Variants in NETO1 observed in about 807,000 individuals in gnomAD.
NETO1 encodes neuropilin and tolloid-like protein 1.
In NETO1, 26 loss-of-function variants were observed where a neutral mutation model predicts 61.3. The observed-to-expected ratio is 0.42, with a 90% CI of 0.31 to 0.59. The LOEUF is 0.59. Among genes scored for constraint, NETO1 ranks in the 20% least tolerant of loss-of-function variants. NETO1 has a pLI of 0.12. For missense variants in NETO1, 531 were observed against 662.8 expected (o/e 0.80, Z 2.18); for synonymous variants, 225 against 225.8 (o/e 1.00, Z 0.03).
intron 7 of NETO1, among the ~76,000 whole-genome samples, chr18:72,780,895 GA>G (rs1375573304): frequency 6.6e-6 from 1 of 152,164 alleles, no homozygotes; most frequent in Non-Finnish European, 1.5e-5. Flanking sequence ...GGAAAGAACA[GA>G]CTGTGCCTTT....
At chr18:72,751,845 A>C (rs1034921045) in intron 8 of NETO1, 1 of 152,244 alleles carries the variant, frequency 6.6e-6, no homozygotes, top group African/African-American at 2.4e-5. Context: ...CCCTAAATAA[A>C]GTTAGTTTAT....
intron 4 of NETO1, among the ~76,000 whole-genome samples, chr18:72,854,184 C>T (rs2074345655): frequency 6.6e-6 from 1 of 152,100 alleles, no homozygotes. Context: ...GCAAAAAGTC[C>T]CTAAAACACT....
chr18:72,847,557 TGGGAAGGA>T (rs1383155885), intron 4 of NETO1, among the ~76,000 whole-genome samples: 5 of 152,224 alleles, frequency 3.3e-5, no homozygotes, highest in Non-Finnish European at 7.3e-5. Flanking sequence ...TGCACATCTT[TGGGAAGGA>T]TTGCAAGTTA....
intron 8 of NETO1, among the ~76,000 whole-genome samples, 184 bp from the exon 9 acceptor site, chr18:72,750,804 C>CA (rs755993535): frequency 3.4e-5 from 5 of 147,854 alleles, no homozygotes; most frequent in East Asian, 2.0e-4. Context: ...CGTTTTTCAC[C>CA]AAAAAAATCC....
intron 8 of NETO1, 46 bp downstream of exon 8, chr18:72,755,987 CT>C (rs1340508333): frequency 1.0e-6 from 1 of 1,003,440 alleles, no homozygotes; most frequent in Non-Finnish European, 1.6e-6. Context: ...TTCTACCCCA[CT>C]CCACAGGGAG....
chr18:72,794,478 T>C (rs992691696), intron 4 of NETO1, 74 bp from the exon 5 acceptor site: 95 of 1,436,584 alleles, frequency 6.6e-5, no homozygotes, highest in Non-Finnish European at 8.8e-5. Context: ...TTATTTATCA[T>C]TAAGTTTTCC....
intron 4 of NETO1, among the ~76,000 whole-genome samples, 162 bp downstream of exon 4, chr18:72,858,664 T>C (rs2074476909): frequency 6.6e-6 from 1 of 152,198 alleles, no homozygotes; most frequent in South Asian, 2.1e-4. Flanking sequence ...TCTTTTCCTT[T>C]CAGAATTTGT....
intron 6 of NETO1, among the ~76,000 whole-genome samples, chr18:72,786,282 A>C (rs903119200): frequency 2.0e-5 from 3 of 152,220 alleles, no homozygotes; most frequent in Non-Finnish European, 2.9e-5. Context: ...TATGACATAA[A>C]AGGACAAGAC....
At chr18:72,836,856 T>C (rs534903335) in intron 4 of NETO1, among the ~76,000 whole-genome samples, 3 of 152,140 alleles carry the variant, frequency 2.0e-5, no homozygotes, top group African/African-American at 4.8e-5. Context: ...ATAGAAAAGA[T>C]GTTTGAAAGA....
At chr18:72,866,915 G>A in intron 1 of NETO1, 1 of 491,260 alleles carries the variant, frequency 2.0e-6, no homozygotes, top group Non-Finnish European at 3.0e-6. Context: ...GGCCCCACTA[G>A]GTATCATCCG....
At chr18:72,867,137 C>G in intron 1 of NETO1, 127 bp downstream of exon 1, 1 of 652,624 alleles carries the variant, frequency 1.5e-6, no homozygotes, top group Non-Finnish European at 2.3e-6. Flanking sequence ...ACGTCGGCCC[C>G]GACCCGCGCG....
downstream of NETO1, among the ~76,000 whole-genome samples, chr18:72,743,489 T>C (rs1164922521): frequency 6.6e-6 from 1 of 152,224 alleles, no homozygotes. Flanking sequence ...TGGAAGATGA[T>C]GAAGGAGGTA....
At chr18:72,758,385 T>TTGTGTG (rs71166416) in intron 7 of NETO1, among the ~76,000 whole-genome samples, 1,796 of 142,882 alleles carry the variant, frequency 0.013, 33 homozygotes, top group African/African-American at 0.032. Context: ...TTTTTTTTCT[T>TTGTGTG]TGTGTGTGTG....
At chr18:72,751,510 G>T (rs866844460) in intron 8 of NETO1, among the ~76,000 whole-genome samples, 9 of 152,174 alleles carry the variant, frequency 5.9e-5, no homozygotes, top group African/African-American at 1.2e-4. Flanking sequence ...GCCCAACCAG[G>T]TCCATGTTGG....
intron 4 of NETO1, chr18:72,835,212 T>A: frequency 2.1e-6 from 3 of 1,413,516 alleles, no homozygotes; most frequent in South Asian, 3.4e-5. Context: ...TGCTTCAAGA[T>A]GGTGTTAGAT....
chr18:72,831,114 C>G (rs1343239426), intron 4 of NETO1, among the ~76,000 whole-genome samples: 1 of 152,156 alleles, frequency 6.6e-6, no homozygotes, highest in African/African-American at 2.4e-5. Flanking sequence ...AAACAACAGC[C>G]CATCTATTCA....
intron 3 of NETO1, among the ~76,000 whole-genome samples, chr18:72,864,183 C>T (rs2074665320): frequency 6.6e-6 from 1 of 151,838 alleles, no homozygotes; most frequent in Non-Finnish European, 1.5e-5. Flanking sequence ...AAAGTGTTTA[C>T]AAGGTTAGTG....
downstream of NETO1, among the ~76,000 whole-genome samples, chr18:72,743,237 C>T (rs2070368896): frequency 6.6e-6 from 1 of 152,116 alleles, no homozygotes; most frequent in South Asian, 2.1e-4. Flanking sequence ...ATGTTCCAAC[C>T]AGCTCAATTA....
At chr18:72,817,462 T>C (rs1423560078) in intron 4 of NETO1, among the ~76,000 whole-genome samples, 1 of 152,226 alleles carries the variant, frequency 6.6e-6, no homozygotes, top group Non-Finnish European at 1.5e-5. Flanking sequence ...AAAGATGTGA[T>C]AAATAATGCA....
Sources: allele counts gnomAD v4.1 joint callset (sites outside exome capture counted in the v4.1 genomes callset), GRCh38; gene constraint gnomAD v4.1.1; transcripts MANE v1.5; gene names NCBI Gene and HGNC (gene_info 2026-07-23, HGNC 2026-07-21).